RYR2: variants seen among roughly 807,000 people sequenced by gnomAD.
RYR2 encodes cardiac muscle ryanodine receptor-calcium release channel.
A neutral mutation model predicts 601.1 loss-of-function variants in RYR2; 227 were observed. The ratio of observed to expected loss-of-function variants is 0.38; its 90% CI spans 0.34 to 0.42. The LOEUF is 0.42. Ranked by LOEUF, RYR2 falls within the 10% of genes least tolerant of loss-of-function variation. RYR2 has a pLI of 1.00. For missense variants in RYR2, 4,646 were observed against 6,156.5 expected (o/e 0.75, Z 8.21); for synonymous variants, 2,223 against 2,175.1 (o/e 1.02, Z -0.61).
intron 1 of RYR2, among the ~76,000 whole-genome samples, chr1:237,051,282 TTCTC>T (rs148264575): frequency 2.5e-5 from 2 of 79,392 alleles, no homozygotes; most frequent in Non-Finnish European, 2.3e-5. Context: ...TCTCCTCCCC[TTCTC>T]TCTCTCTCTC....
intron 58 of RYR2, among the ~76,000 whole-genome samples, chr1:237,673,553 C>T (rs1389971713): frequency 6.6e-6 from 1 of 152,042 alleles, no homozygotes; most frequent in Non-Finnish European, 1.5e-5. Context: ...TAAGAGTGAT[C>T]CACTTTTAAT....
chr1:237,506,588 T>G, intron 22 of RYR2, 122 bp from the exon 23 acceptor site: 1 of 627,114 alleles, frequency 1.6e-6, no homozygotes, highest in Non-Finnish European at 2.7e-6. Context: ...GCTTAGAACT[T>G]TGTTCTATGA....
chr1:237,643,714 G>A (rs1030954833), intron 48 of RYR2, among the ~76,000 whole-genome samples: 3 of 151,728 alleles, frequency 2.0e-5, no homozygotes, highest in Non-Finnish European at 4.4e-5. Flanking sequence ...CCGGGTTCAA[G>A]CAATTCTCCT....
intron 66 of RYR2, 138 bp from the exon 67 acceptor site, chr1:237,705,075 T>C: frequency 1.4e-6 from 1 of 703,058 alleles, no homozygotes; most frequent in South Asian, 1.9e-5. Context: ...TGTTTAGCAA[T>C]ACAGAAATTG....
intron 3 of RYR2, chr1:237,352,985 G>A (rs995753796): frequency 1.3e-4 from 51 of 397,186 alleles, no homozygotes; most frequent in Admixed American, 1.8e-4. Context: ...AGAAAATTTA[G>A]TAGCTTTAGT....
At chr1:237,199,916 T>C (rs1044689678) in intron 1 of RYR2, among the ~76,000 whole-genome samples, 5 of 152,238 alleles carry the variant, frequency 3.3e-5, no homozygotes, top group Non-Finnish European at 7.3e-5. Context: ...ATTGTGCCAA[T>C]TTGAATTTAC....
chr1:237,632,389 CTTTTTT>C (rs11448751), intron 42 of RYR2, among the ~76,000 whole-genome samples: 2 of 127,452 alleles, frequency 1.6e-5, no homozygotes, highest in African/African-American at 2.8e-5. Context: ...AAAGTGAATT[CTTTTTT>C]TTTTTTTTTT....
At position 237,709,468 on chromosome 1, in the gene RYR2, T is replaced by C. The variant is rs762225536; in HGVS notation, c.10143-12T>C. ...GTAGCTGAGAAACCACTTTATTTATTATGTGATCCAGGGCAAAGTGGCTAA... is the reference window on the plus strand; with the variant it reads ...GTAGCTGAGAAACCACTTTATTTATCATGTGATCCAGGGCAAAGTGGCTAA... On this transcript the variant is annotated splice_polypyrimidine_tract_variant and intron_variant, in intron 69 of 104. Coordinates refer to ENST00000366574, the MANE Select transcript of RYR2 (RefSeq NM_001035.3). 1.3e-6 allele frequency: 2 copies of C among 1,567,436 alleles called. No individual in the cohort carries two copies. Among genetic ancestry groups the C allele is most frequent in the East Asian group, 2.2e-5 (1 of 44,564 alleles).
chr1:237,771,274 G>T (rs1156604405), intron 85 of RYR2, among the ~76,000 whole-genome samples: 1 of 151,836 alleles, frequency 6.6e-6, no homozygotes, highest in East Asian at 1.9e-4. Context: ...ATCCAGACAT[G>T]GTGGTGCGTG....
Position 237,674,113 on chromosome 1 carries a change from C to G in RYR2, c.8608C>G (p.Leu2870Val). Residue 2870 changes from leucine (L) to valine (V), a missense_variant, in exon 59 of 105, where the codon CTG becomes GTG. Leu to Val is a conservative substitution (Grantham distance 32). Transcript: ENST00000366574. ...LESKGGGNHP[L>V]LVPYDTLTAK... ...ACTCTTAGGAGGAGGAAACCATCCT[C>G]TGCTGGTGCCCTATGATACACTGAC... 1 of 1,611,914 alleles carries G rather than the reference C, an allele frequency of 6.2e-7. No individual in the cohort carries two copies. The highest frequency in any genetic ancestry group is 8.5e-7 in the Non-Finnish European group (1 of 1,178,204).
chr1:237,575,312 A>C (rs1264758960), intron 29 of RYR2, among the ~76,000 whole-genome samples: 5 of 152,176 alleles, frequency 3.3e-5, no homozygotes, highest in Non-Finnish European at 7.4e-5. Context: ...CCAAGAACCT[A>C]GGAGGAGCTC....
chr1:237,585,142 A>G (rs1674386855), intron 29 of RYR2, among the ~76,000 whole-genome samples: 1 of 152,170 alleles, frequency 6.6e-6, no homozygotes, highest in African/African-American at 2.4e-5. Flanking sequence ...GTTGCAACAG[A>G]GGCCATATGA....
At chr1:237,283,003 A>G (rs750423518) in intron 2 of RYR2, among the ~76,000 whole-genome samples, 3 of 152,158 alleles carry the variant, frequency 2.0e-5, no homozygotes, top group Admixed American at 1.3e-4. Context: ...CCACTTGCCA[A>G]TTTGCACACT....
rs1705772286 is a variant in RYR2 at position 237,423,223 on chromosome 1, C to T, written c.980C>T (p.Thr327Ile). The T allele has an allele frequency of 1.9e-6, 3 of 1,613,308 alleles. No individual in the cohort carries two copies. The highest frequency in any genetic ancestry group is 2.7e-5 in the African/African-American group (2 of 74,894). The change falls in exon 12 of 105, where the codon ACA (threonine) becomes ATA (isoleucine). Residue 327 changes from threonine (T) to isoleucine (I), a missense_variant. Physicochemically the swap from Thr to Ile is moderately conservative, Grantham distance 89 (BLOSUM62 -1). This residue lies in a region of RYR2 where 1,807 missense variants were observed against 2,088.1 expected (regional missense o/e 0.87). Transcript: ENST00000366574. Reference sequence around the variant, plus strand: ...AAAGAGAAAGCTGATGTAAAATCAACAGCATTTACCTTCCGGTCTTCCAAG... The same window carrying T: ...AAAGAGAAAGCTGATGTAAAATCAATAGCATTTACCTTCCGGTCTTCCAAG... Reference protein sequence around the residue: ...MDKEKADVKSTAFTFRSSKEK... With the variant: ...MDKEKADVKSIAFTFRSSKEK...
chr1:237,802,651 T>C (rs2149422489), intron 98 of RYR2, among the ~76,000 whole-genome samples: 1 of 152,304 alleles, frequency 6.6e-6, no homozygotes, highest in Non-Finnish European at 1.5e-5. Context: ...ATCTTACAAC[T>C]AATTTCTCAT....
chr1:237,761,074 C>T (rs1693395781), intron 84 of RYR2, 46 bp downstream of exon 84: 1 of 1,102,052 alleles, frequency 9.1e-7, no homozygotes. Context: ...CCCTTCCCTC[C>T]CTGAAACGAG....
At chr1:237,545,730 A>G (rs2148063415) in intron 25 of RYR2, among the ~76,000 whole-genome samples, 1 of 151,668 alleles carries the variant, frequency 6.6e-6, no homozygotes, top group East Asian at 1.9e-4. Context: ...TTTGAAATGC[A>G]GTGGGAGCTT....
chr1:237,083,862 C>G (rs1233541579), intron 1 of RYR2, among the ~76,000 whole-genome samples: 1 of 152,158 alleles, frequency 6.6e-6, no homozygotes, highest in African/African-American at 2.4e-5. Context: ...GGATGTGGGA[C>G]TTTTGTCCAC....
intron 12 of RYR2, among the ~76,000 whole-genome samples, chr1:237,427,810 A>G (rs938393542): frequency 3.5e-5 from 5 of 143,974 alleles, no homozygotes; most frequent in Non-Finnish European, 7.6e-5. Flanking sequence ...AAAAAAAAAA[A>G]AAGATATCTG....
Sources: gnomAD v4.1 joint callset for allele counts (sites outside exome capture counted in the v4.1 genomes callset) on GRCh38, gnomAD v4.1.1 for gene constraint, gnomAD v4.1.1 regional missense constraint, MANE v1.5 for transcripts, NCBI Gene and HGNC (gene_info 2026-07-23, HGNC 2026-07-21) for gene names.